Variants in NDUFA10 observed in about 807,000 individuals in gnomAD.
The protein encoded by NDUFA10 is NADH dehydrogenase [ubiquinone] 1 alpha subcomplex subunit 10, mitochondrial.
A neutral mutation model predicts 47.8 loss-of-function variants in NDUFA10; 40 were observed. The observed-to-expected ratio is 0.84, with a 90% CI of 0.65 to 1.09. The LOEUF is 1.09. Ranked by LOEUF, NDUFA10 falls within the 50% of genes least tolerant of loss-of-function variation. NDUFA10 has a pLI of 0.00. For missense variants in NDUFA10, 413 were observed against 451.1 expected (o/e 0.92, Z 0.76); for synonymous variants, 183 against 172.2 (o/e 1.06, Z -0.49).
intron 5 of NDUFA10, chr2:240,012,014 T>C: frequency 2.7e-6 from 1 of 371,270 alleles, no homozygotes; most frequent in South Asian, 2.2e-5. Flanking sequence ...GCCTCGTGCC[T>C]GAGTGCAGGA....
intron 4 of NDUFA10, among the ~76,000 whole-genome samples, chr2:239,935,611 T>G (rs1048307148): frequency 6.6e-6 from 1 of 152,218 alleles, no homozygotes; most frequent in African/African-American, 2.4e-5. Flanking sequence ...CACCCAAATC[T>G]CATCTGGAAT....
At chr2:239,933,161 A>C (rs1029010177) in intron 4 of NDUFA10, among the ~76,000 whole-genome samples, 3 of 152,130 alleles carry the variant, frequency 2.0e-5, no homozygotes, top group African/African-American at 7.2e-5. Flanking sequence ...GACCCCCAGG[A>C]GGCAAGCAGT....
At chr2:239,898,995 GAT>G (rs1693463931) in intron 4 of NDUFA10, among the ~76,000 whole-genome samples, 2 of 126,678 alleles carry the variant, frequency 1.6e-5, no homozygotes, top group Admixed American at 8.0e-5. Context: ...GGAGAGGTGT[GAT>G]GGAGAGGTGT....
chr2:239,961,298 A>G (rs557650651), intron 9 of NDUFA10, 112 bp from the exon 10 acceptor site: 120 of 1,570,626 alleles, frequency 7.6e-5, no homozygotes, highest in Non-Finnish European at 4.8e-5. Flanking sequence ...TTCCTTCAGC[A>G]ATGCTGGTGA....
chr2:240,015,892 C>A (rs867417814), intron 4 of NDUFA10, among the ~76,000 whole-genome samples: 1 of 152,188 alleles, frequency 6.6e-6, no homozygotes, highest in African/African-American at 2.4e-5. Context: ...CAGTGGCTCA[C>A]GCCTGTCATC....
At chr2:239,909,807 T>C (rs1250755471) in intron 4 of NDUFA10, among the ~76,000 whole-genome samples, 8 of 151,606 alleles carry the variant, frequency 5.3e-5, no homozygotes, top group Non-Finnish European at 1.2e-4. Flanking sequence ...ATCATCAGAG[T>C]GAACAGGCAA....
intron 9 of NDUFA10, among the ~76,000 whole-genome samples, chr2:239,975,759 C>T (rs1695492266): frequency 1.3e-5 from 2 of 152,120 alleles, no homozygotes; most frequent in Admixed American, 1.3e-4. Context: ...TCCTTCCTTC[C>T]ACCAGCCTCT....
downstream of NDUFA10, among the ~76,000 whole-genome samples, chr2:239,952,437 C>A (rs1016783168): frequency 2.0e-5 from 3 of 152,172 alleles, no homozygotes; most frequent in African/African-American, 7.2e-5. Context: ...AGGGCCCCAA[C>A]TGTGCGGCTT....
At chr2:239,964,461 T>C (rs1270716017) in intron 9 of NDUFA10, among the ~76,000 whole-genome samples, 1 of 152,068 alleles carries the variant, frequency 6.6e-6, no homozygotes, top group Non-Finnish European at 1.5e-5. Flanking sequence ...AGGATGCATG[T>C]GTATTGTTTT....
chr2:239,988,344 A>C (rs115511738), intron 9 of NDUFA10, among the ~76,000 whole-genome samples: 2,694 of 152,318 alleles, frequency 0.018, 36 homozygotes, highest in Middle Eastern at 0.034. Context: ...GGCAATTCTA[A>C]ATTGGTACGC....
intron 4 of NDUFA10, among the ~76,000 whole-genome samples, chr2:239,904,647 G>C (rs1197045370): frequency 6.6e-6 from 1 of 152,206 alleles, no homozygotes; most frequent in East Asian, 1.9e-4. Context: ...CCCTGCCCTA[G>C]GCACGGTGCC....
intron 2 of NDUFA10, 103 bp from the exon 3 acceptor site, chr2:240,021,515 C>T: frequency 9.7e-7 from 1 of 1,033,540 alleles, no homozygotes; most frequent in Non-Finnish European, 1.5e-6. Flanking sequence ...AATCTCACCG[C>T]CAGGGATGGA....
At chr2:240,020,081 G>C (rs1269813823) in intron 3 of NDUFA10, among the ~76,000 whole-genome samples, 1 of 152,242 alleles carries the variant, frequency 6.6e-6, no homozygotes, top group Non-Finnish European at 1.5e-5. Context: ...CAACTGTGTA[G>C]ATACGTGTCA....
At position 240,019,798 on chromosome 2, in the gene NDUFA10, G is replaced by A. The variant is rs1161438689; in HGVS notation, c.461-1159C>T. 1.8e-3 allele frequency among the ~76,000 whole-genome samples: 39 copies of A among 21,384 alleles called. 9 individuals carry two copies. The highest frequency in any genetic ancestry group is 7.0e-3 in the African/African-American group (38 of 5,426). The allele number at this position is 21,384 out of a possible 152,430, so 14.0% of individuals were successfully genotyped here. A position where few individuals can be genotyped will look rare whatever the true frequency, so the allele number is the denominator to read the frequency against. On this transcript the variant is annotated intron_variant, in intron 3 of 9. Transcript: ENST00000252711. ...CCCGCCACTGCACTCCAGCCTGGGC[G>A]ACAGAGCGAGACTCCGTCTCAAAAA...
At chr2:239,975,242 G>T (rs530259138) in intron 9 of NDUFA10, among the ~76,000 whole-genome samples, 16 of 152,358 alleles carry the variant, frequency 1.1e-4, no homozygotes, top group Admixed American at 1.0e-3. Flanking sequence ...TACCATGATT[G>T]TAAGTTTCCT....
intron 4 of NDUFA10, among the ~76,000 whole-genome samples, chr2:239,940,114 G>A (rs1184998725): frequency 2.0e-5 from 3 of 152,246 alleles, no homozygotes; most frequent in African/African-American, 7.2e-5. Context: ...TCTGTAAAGG[G>A]TTGGAGGGTA....
chr2:239,974,171 C>T (rs59540972), intron 9 of NDUFA10, among the ~76,000 whole-genome samples: 17,986 of 152,098 alleles, frequency 0.12, 1,250 homozygotes, highest in South Asian at 0.15. Context: ...TCAAGTCATC[C>T]GCCCGCCTCA....
At chr2:239,905,987 G>A (rs890283446) in intron 4 of NDUFA10, among the ~76,000 whole-genome samples, 6 of 152,080 alleles carry the variant, frequency 3.9e-5, no homozygotes, top group African/African-American at 9.7e-5. Context: ...TGTCCCATGC[G>A]CGGGAGGCCT....
intron 8 of NDUFA10, among the ~76,000 whole-genome samples, chr2:239,992,159 C>T (rs1696278539): frequency 6.6e-6 from 1 of 152,072 alleles, no homozygotes; most frequent in Admixed American, 6.5e-5. Flanking sequence ...ACTCAGGAAG[C>T]AAAAGGCAGT....
Sources: allele counts gnomAD v4.1 joint callset (sites outside exome capture counted in the v4.1 genomes callset), GRCh38; gene constraint gnomAD v4.1.1; transcripts MANE v1.5; gene names NCBI Gene and HGNC (gene_info 2026-07-23, HGNC 2026-07-21).